Variants in PTPRG observed in about 807,000 individuals in gnomAD.
PTPRG encodes receptor-type tyrosine-protein phosphatase gamma.
A neutral mutation model predicts 165.3 loss-of-function variants in PTPRG; 102 were observed. The ratio of observed to expected loss-of-function variants is 0.62; its 90% CI spans 0.53 to 0.73. The LOEUF is 0.73. Ranked by LOEUF, PTPRG falls within the 30% of genes least tolerant of loss-of-function variation. The probability of loss-of-function intolerance (pLI) is 0.00; values close to 1 mark genes in which losing one functional copy is unlikely to be tolerated. For synonymous variants in PTPRG, 675 were observed against 669.5 expected (o/e 1.01, Z -0.13); for missense variants, 1,866 against 1,861.4 (o/e 1.00, Z -0.05).
intron 2 of PTPRG, among the ~76,000 whole-genome samples, chr3:61,810,064 C>T (rs201849314): frequency 6.6e-6 from 1 of 152,154 alleles, no homozygotes; most frequent in Non-Finnish European, 1.5e-5. Flanking sequence ...TGGGCTGTGC[C>T]TGCACAGCCT....
At chr3:61,926,609 C>CTCCTTCCT (rs1190200426) in intron 2 of PTPRG, among the ~76,000 whole-genome samples, 47 of 94,812 alleles carry the variant, frequency 5.0e-4, no homozygotes, top group East Asian at 1.7e-3. Context: ...CCCTCCCTCC[C>CTCCTTCCT]TCCTTCCTTC....
At chr3:62,156,510 A>G (rs1407118682) in intron 6 of PTPRG, among the ~76,000 whole-genome samples, 2 of 152,190 alleles carry the variant, frequency 1.3e-5, no homozygotes, top group Non-Finnish European at 2.9e-5. Flanking sequence ...GTTGGGCTTC[A>G]CTTCGATTTG....
rs376345931 is a variant in PTPRG, at chr3:61,759,319, C to A, written c.190+10337C>A. 4.6e-5 allele frequency among the ~76,000 whole-genome samples: 7 copies of A among 152,276 alleles called. 1 individual carries two copies. The East Asian group carries it at 9.6e-4, about 21-fold the overall frequency. On this transcript the variant is annotated intron_variant, in intron 2 of 29. Transcript: ENST00000474889. ...CTTCTTGAGAAATGCTTTCTAATAACTTCAGGAATTCTCACTTTTCATTCA... is the reference window on the plus strand; with the variant it reads ...CTTCTTGAGAAATGCTTTCTAATAAATTCAGGAATTCTCACTTTTCATTCA...
intron 2 of PTPRG, among the ~76,000 whole-genome samples, chr3:61,752,528 C>T (rs986751890): frequency 3.3e-5 from 5 of 152,022 alleles, no homozygotes; most frequent in African/African-American, 1.2e-4. Context: ...TGCGGTGGCT[C>T]ATGCCTCTGA....
At chr3:61,918,033 G>T (rs1160019662) in intron 2 of PTPRG, among the ~76,000 whole-genome samples, 18 of 152,214 alleles carry the variant, frequency 1.2e-4, no homozygotes, top group Admixed American at 1.2e-3. Flanking sequence ...GTAGCTTAGA[G>T]ATCAGTAAAA....
At position 61,573,499 on chromosome 3, in the gene PTPRG, A is replaced by T. The variant is rs1329523729; in HGVS notation, c.85+11127A>T. The stretch of plus-strand genomic sequence containing the variant: ...AGAGTGGCTAGCTTTTGACTATTAC[A>T]GATGGAAGATTTGAGGGGATGATTC... On this transcript the variant is annotated intron_variant, in intron 1 of 29. Transcript: ENST00000474889. Among the ~76,000 whole-genome samples the T allele has an allele frequency of 2.0e-5, 3 of 152,364 alleles. No individual in the cohort carries two copies. In the East Asian group the frequency reaches 5.8e-4, roughly 29 times the overall value.
At chr3:62,202,747 G>A (rs958681392) in intron 11 of PTPRG, among the ~76,000 whole-genome samples, 1 of 152,178 alleles carries the variant, frequency 6.6e-6, no homozygotes, top group Non-Finnish European at 1.5e-5. Context: ...CTAGAGCTGA[G>A]TATCTACTCA....
In PTPRG at chr3:62,295,654, G is replaced by A. The variant is rs1703036898; in HGVS notation, c.*2347G>A. 4 of 152,078 alleles carry A rather than the reference G, an allele frequency of 2.6e-5. No individual in the cohort carries two copies. In the South Asian group the frequency reaches 8.3e-4, roughly 31 times the overall value. The allele number at this position is 152,078 out of a possible 1,614,324, so 9.4% of individuals were successfully genotyped here. A position where few individuals can be genotyped will look rare whatever the true frequency, so the allele number is the denominator to read the frequency against. On this transcript the variant is annotated 3_prime_UTR_variant, in exon 30 of 30. Coordinates refer to ENST00000474889, the MANE Select transcript of PTPRG (RefSeq NM_002841.4). The stretch of plus-strand genomic sequence containing the variant: ...AAGAAAGAGTTTAGAAGTTCCCTGT[G>A]AGCAATCTGTGTGTCTTCAGCGAGC...
chr3:62,052,245 T>G (rs1700491170), intron 4 of PTPRG, among the ~76,000 whole-genome samples: 2 of 152,248 alleles, frequency 1.3e-5, no homozygotes, highest in African/African-American at 4.8e-5. Flanking sequence ...GCATCACTTT[T>G]TTTCTTCTTT....
chr3:62,170,500 A>C (rs1225272106), intron 8 of PTPRG, among the ~76,000 whole-genome samples: 1 of 152,168 alleles, frequency 6.6e-6, no homozygotes, highest in Non-Finnish European at 1.5e-5. Context: ...GAGAAAATGC[A>C]TGGCCTTTAT....
At chr3:61,850,946 C>T (rs956284430) in intron 2 of PTPRG, among the ~76,000 whole-genome samples, 1 of 152,200 alleles carries the variant, frequency 6.6e-6, no homozygotes, top group Non-Finnish European at 1.5e-5. Context: ...GCGTGGGCAC[C>T]TGTGACTAGG....
chr3:61,618,617 T>C (rs894277376), intron 1 of PTPRG, among the ~76,000 whole-genome samples: 2 of 152,220 alleles, frequency 1.3e-5, no homozygotes, highest in Admixed American at 6.5e-5. Flanking sequence ...GTAACCTCTT[T>C]CTTTCCTTGA....
At chr3:62,016,313 G>A (rs1446156689) in intron 4 of PTPRG, among the ~76,000 whole-genome samples, 1 of 152,110 alleles carries the variant, frequency 6.6e-6, no homozygotes, top group Non-Finnish European at 1.5e-5. Context: ...GATTACAGGT[G>A]CTTCTACTAT....
intron 4 of PTPRG, among the ~76,000 whole-genome samples, chr3:62,075,424 G>C (rs1701349367): frequency 6.6e-6 from 1 of 152,124 alleles, no homozygotes; most frequent in Non-Finnish European, 1.5e-5. Context: ...GTACCTTATT[G>C]AATGGATTTT....
At chr3:61,808,683 C>T (rs888479599) in intron 2 of PTPRG, among the ~76,000 whole-genome samples, 3 of 152,064 alleles carry the variant, frequency 2.0e-5, no homozygotes, top group Non-Finnish European at 4.4e-5. Context: ...GCACTGGGCA[C>T]GGATCCCTTG....
intron 8 of PTPRG, among the ~76,000 whole-genome samples, chr3:62,189,497 GTC>G (rs1387348289): frequency 6.6e-6 from 1 of 152,168 alleles, no homozygotes; most frequent in Non-Finnish European, 1.5e-5. Context: ...CCCCTGGCCT[GTC>G]TCTGCCAGCA....
chr3:61,813,001 G>A (rs1337957959), intron 2 of PTPRG, among the ~76,000 whole-genome samples: 1 of 152,072 alleles, frequency 6.6e-6, no homozygotes, highest in Non-Finnish European at 1.5e-5. Context: ...TACATGCAAA[G>A]AATACTTGTG....
chr3:62,031,412 C>T (rs1421397617), intron 4 of PTPRG, among the ~76,000 whole-genome samples: 1 of 151,950 alleles, frequency 6.6e-6, no homozygotes, highest in Non-Finnish European at 1.5e-5. Context: ...AAGAGAGTGG[C>T]ACATTTGCAG....
chr3:62,070,165 C>G (rs1482659965), intron 4 of PTPRG, among the ~76,000 whole-genome samples: 11 of 151,940 alleles, frequency 7.2e-5, no homozygotes, highest in Non-Finnish European at 1.3e-4. Flanking sequence ...AATTTTAGGC[C>G]AGAGTTACTT....
Sources: allele counts gnomAD v4.1 joint callset (sites outside exome capture counted in the v4.1 genomes callset), GRCh38; gene constraint gnomAD v4.1.1; transcripts MANE v1.5; gene names NCBI Gene and HGNC (gene_info 2026-07-23, HGNC 2026-07-21).